Variants in SPMIP5 observed in about 807,000 individuals in gnomAD.
SPMIP5 encodes the protein sperm-associated microtubule inner protein 5.
At chr10:116,664,801 T>C in the SPMIP5 span, 1 of 1,614,188 alleles carries the variant, frequency 6.2e-7, no homozygotes, top group Non-Finnish European at 8.5e-7. Flanking sequence ...GCCCTCTCCG[T>C]GATCTCCAGG....
At chr10:116,669,425 G>A in the SPMIP5 span, among the ~76,000 whole-genome samples, 2 of 152,194 alleles carry the variant, frequency 1.3e-5, no homozygotes, top group Non-Finnish European at 2.9e-5. Context: ...GACAGACCTG[G>A]CTGTGAGACC....
chr10:116,665,341 G>GT, the SPMIP5 span: 4,634 of 366,462 alleles, frequency 0.013, 221 homozygotes, highest in African/African-American at 0.091. Flanking sequence ...GGAGGCAGAG[G>GT]TTGCAGTGAG....
chr10:116,663,811 A>AT, the SPMIP5 span: 112 of 1,357,086 alleles, frequency 8.3e-5, no homozygotes, highest in Non-Finnish European at 9.9e-5. Flanking sequence ...TTGTTACTAA[A>AT]TTTCTTTATT....
chr10:116,664,931 C>T, the SPMIP5 span: 1 of 1,612,968 alleles, frequency 6.2e-7, no homozygotes, highest in African/African-American at 1.3e-5. Flanking sequence ...GGAGAGGTTT[C>T]TTTACATATT....
chr10:116,669,570 A>T, the SPMIP5 span, among the ~76,000 whole-genome samples: 1 of 152,220 alleles, frequency 6.6e-6, no homozygotes, highest in African/African-American at 2.4e-5. Context: ...GACAGGGAAC[A>T]CTGGCTATCC....
At chr10:116,665,618 G>C in the SPMIP5 span, 10 of 1,612,626 alleles carry the variant, frequency 6.2e-6, no homozygotes, top group Non-Finnish European at 7.6e-6. Context: ...CCAGGATCAG[G>C]GGGTGGTACT....
chr10:116,667,519 C>T, the SPMIP5 span, among the ~76,000 whole-genome samples: 1 of 152,140 alleles, frequency 6.6e-6, no homozygotes, highest in Non-Finnish European at 1.5e-5. Context: ...GAACCCAAAG[C>T]CTATTCTCAA....
the SPMIP5 span, among the ~76,000 whole-genome samples, chr10:116,669,669 G>A: frequency 6.6e-6 from 1 of 152,144 alleles, no homozygotes. Flanking sequence ...TTTTATAAAT[G>A]TGAAAAATAA....
the SPMIP5 span, chr10:116,665,711 G>C: frequency 6.2e-7 from 1 of 1,614,190 alleles, no homozygotes; most frequent in South Asian, 1.1e-5. Context: ...CCACTGCGCA[G>C]CACAATTCCC....
At chr10:116,665,699 G>A in the SPMIP5 span, 6 of 1,614,046 alleles carry the variant, frequency 3.7e-6, no homozygotes, top group South Asian at 1.1e-5. Context: ...TCGGGGCAGT[G>A]GCCACTGCGC....
the SPMIP5 span, chr10:116,665,886 C>T: frequency 1.4e-6 from 2 of 1,413,980 alleles, no homozygotes; most frequent in Non-Finnish European, 2.0e-6. Context: ...GAATTCAGAG[C>T]CCGCCTAAAC....
At chr10:116,664,179 A>G in the SPMIP5 span, 4 of 1,614,166 alleles carry the variant, frequency 2.5e-6, no homozygotes, top group Non-Finnish European at 3.4e-6. Flanking sequence ...CTCACCTGGA[A>G]TAGAAAAATC....
the SPMIP5 span, chr10:116,664,875 T>C: frequency 8.1e-6 from 13 of 1,614,080 alleles, no homozygotes; most frequent in Admixed American, 1.7e-5. Flanking sequence ...TTCAGTGACC[T>C]TGGCTCTCGG....
At chr10:116,663,698 C>A in the SPMIP5 span, 1 of 549,816 alleles carries the variant, frequency 1.8e-6, no homozygotes, top group South Asian at 2.9e-5. Flanking sequence ...CTTTAGCATG[C>A]GGAGAAGCAG....
the SPMIP5 span, chr10:116,663,800 C>A: frequency 7.7e-7 from 1 of 1,307,130 alleles, no homozygotes; most frequent in Non-Finnish European, 1.0e-6. Context: ...TTAAAAAATT[C>A]TTGTTACTAA....
the SPMIP5 span, chr10:116,665,150 A>G: frequency 7.6e-7 from 1 of 1,314,390 alleles, no homozygotes; most frequent in Non-Finnish European, 9.7e-7. Context: ...TAATCCCAGC[A>G]CTTTGGGAGG....
the SPMIP5 span, chr10:116,668,348 G>A: frequency 6.4e-7 from 1 of 1,558,406 alleles, no homozygotes; most frequent in South Asian, 1.1e-5. Flanking sequence ...AAGAGGGAAT[G>A]AAACGGTCTC....
the SPMIP5 span, chr10:116,665,838 G>T: frequency 2.5e-6 from 4 of 1,598,186 alleles, no homozygotes; most frequent in East Asian, 2.2e-5. Flanking sequence ...TGCAAGAGCC[G>T]AATGGAATCA....
the SPMIP5 span, chr10:116,665,742 T>G: frequency 6.2e-7 from 1 of 1,614,180 alleles, no homozygotes. Flanking sequence ...TTTATAGCGC[T>G]GTGTTTTCTC....
Sources: allele counts gnomAD v4.1 joint callset (sites outside exome capture counted in the v4.1 genomes callset), GRCh38; gene constraint gnomAD v4.1.1; transcripts MANE v1.5; gene names NCBI Gene and HGNC (gene_info 2026-07-23, HGNC 2026-07-21).